The following PSD3 variants were observed in gnomAD, a reference collection of about 807,000 sequenced individuals.
PSD3 encodes pleckstrin and Sec7 domain containing 3.
In PSD3, 49 loss-of-function variants were observed where a neutral mutation model predicts 105.5. The observed-to-expected ratio is 0.46, with a 90% confidence interval of 0.37 to 0.59. The LOEUF (loss-of-function observed/expected upper bound fraction) is 0.59, where lower values mean the gene tolerates loss of function less well. Ranked by LOEUF, PSD3 falls within the 20% of genes least tolerant of loss-of-function variation. The pLI, the probability that PSD3 is intolerant of heterozygous loss-of-function variation, is 0.00. For missense variants in PSD3, 1,561 were observed against 1,263.8 expected (o/e 1.24, Z -3.57); for synonymous variants, 557 against 457.8 (o/e 1.22, Z -2.77).
At chr8:18,815,101 C>G (rs1812100132) in intron 4 of PSD3, among the ~76,000 whole-genome samples, 1 of 152,110 alleles carries the variant, frequency 6.6e-6, no homozygotes, top group Non-Finnish European at 1.5e-5. Flanking sequence ...AAATACTCTC[C>G]TTTCTTGATT....
intron 4 of PSD3, among the ~76,000 whole-genome samples, chr8:18,863,223 A>C (rs562782272): frequency 6.6e-6 from 1 of 152,364 alleles, no homozygotes; most frequent in South Asian, 2.1e-4. Context: ...TAATGGTCAC[A>C]GTGACAACAC....
intron 11 of PSD3, among the ~76,000 whole-genome samples, chr8:18,621,230 A>G (rs183084858): frequency 6.6e-6 from 1 of 152,310 alleles, no homozygotes; most frequent in East Asian, 1.9e-4. Context: ...CAACACAGCA[A>G]AACCGCTTCT....
At chr8:18,846,020 G>A (rs901008510) in intron 4 of PSD3, among the ~76,000 whole-genome samples, 3 of 152,128 alleles carry the variant, frequency 2.0e-5, no homozygotes, top group East Asian at 1.9e-4. Flanking sequence ...GGAGTGACTA[G>A]ACTGGTATTC....
At chr8:18,831,596 C>T (rs1813686287) in intron 4 of PSD3, among the ~76,000 whole-genome samples, 1 of 152,082 alleles carries the variant, frequency 6.6e-6, no homozygotes, top group African/African-American at 2.4e-5. Context: ...GTGGCGGGCG[C>T]CTATAGTCCC....
chr8:18,862,892 CAAAA>C (rs763451398), intron 4 of PSD3, among the ~76,000 whole-genome samples: 2 of 79,508 alleles, frequency 2.5e-5, no homozygotes, highest in Non-Finnish European at 3.0e-5. Flanking sequence ...AAGAGCAAGG[CAAAA>C]AAAAAAAAAA....
At chr8:18,916,545 A>G (rs564724361) in intron 2 of PSD3, among the ~76,000 whole-genome samples, 4 of 152,068 alleles carry the variant, frequency 2.6e-5, no homozygotes, top group Non-Finnish European at 5.9e-5. Flanking sequence ...AGCACACAGT[A>G]GCAAAGAGTA....
intron 13 of PSD3, among the ~76,000 whole-genome samples, chr8:18,574,610 G>A (rs934487780): frequency 3.3e-5 from 5 of 152,044 alleles, no homozygotes; most frequent in Admixed American, 6.6e-5. Flanking sequence ...GCTCAGAAGG[G>A]AAACAAAAAA....
At chr8:18,995,620 C>T (rs1685252795) in intron 1 of PSD3, among the ~76,000 whole-genome samples, 1 of 151,872 alleles carries the variant, frequency 6.6e-6, no homozygotes, top group South Asian at 2.1e-4. Flanking sequence ...AAAGACATGC[C>T]CGGGACTCAG....
chr8:18,905,362 T>C (rs959377722), intron 2 of PSD3, among the ~76,000 whole-genome samples: 2 of 152,184 alleles, frequency 1.3e-5, no homozygotes, highest in African/African-American at 4.8e-5. Context: ...CTTGCTCTGT[T>C]GCCCAGGCTG....
intron 9 of PSD3, among the ~76,000 whole-genome samples, chr8:18,761,391 A>G (rs745886499): frequency 5.9e-5 from 9 of 152,206 alleles, no homozygotes; most frequent in Non-Finnish European, 1.3e-4. Context: ...AGCCCACTTT[A>G]GGCTAAGTAA....
chr8:19,019,142 G>A (rs1170020646), intron 1 of PSD3, among the ~76,000 whole-genome samples: 1 of 152,054 alleles, frequency 6.6e-6, no homozygotes, highest in Non-Finnish European at 1.5e-5. Flanking sequence ...AATTTACTTA[G>A]CTCTGGAAAT....
chr8:18,765,555 C>T lies in PSD3; in HGVS notation c.2083-17G>A. On this transcript the variant is annotated splice_polypyrimidine_tract_variant and intron_variant, in intron 8 of 15. Transcript: ENST00000327040. Reference sequence around the variant, plus strand: ...TCCAATATTCTGAAACAGAGGCAAACAGTACATCACTATGACATTCATGGA... The same window carrying T: ...TCCAATATTCTGAAACAGAGGCAAATAGTACATCACTATGACATTCATGGA... 2 of 1,511,830 alleles carry T rather than the reference C, an allele frequency of 1.3e-6. No individual in the cohort carries two copies. The highest frequency in any genetic ancestry group is 1.8e-6 in the Non-Finnish European group (2 of 1,087,210). 93.7% of individuals were successfully genotyped at this position (1,511,830 alleles called of 1,614,324 possible).
At chr8:18,773,476 C>G (rs1167594399) in intron 8 of PSD3, among the ~76,000 whole-genome samples, 5 of 152,084 alleles carry the variant, frequency 3.3e-5, no homozygotes, top group Non-Finnish European at 7.4e-5. Context: ...CTTGAACTCT[C>G]ATATGATTTT....
chr8:18,736,527 C>T (rs959273125), intron 9 of PSD3, among the ~76,000 whole-genome samples: 1 of 151,984 alleles, frequency 6.6e-6, no homozygotes, highest in East Asian at 1.9e-4. Context: ...TTTATTAATC[C>T]TACATTCAGT....
rs964348087 is a variant in PSD3 at position 18,606,885 on chromosome 8, T to G, written c.2411-6451A>C. Among the ~76,000 whole-genome samples, 5 of 152,326 alleles carry G rather than the reference T, an allele frequency of 3.3e-5. No homozygotes were observed. The East Asian group carries it at 9.6e-4, about 29-fold the overall frequency. On this transcript the variant is annotated intron_variant, in intron 11 of 15. Transcript: ENST00000327040. ...ATGTGTTCCAAACAATCTTTTCAGG[T>G]AGGTATTATTGTCTCTGTTTTATAT... is the stretch of plus-strand genomic sequence containing the variant.
At chr8:18,649,023 A>G (rs963717618) in intron 10 of PSD3, among the ~76,000 whole-genome samples, 5 of 152,258 alleles carry the variant, frequency 3.3e-5, no homozygotes, top group Non-Finnish European at 5.9e-5. Flanking sequence ...GCAGGGGTGG[A>G]ACCCTCTTGG....
chr8:18,550,636 C>G (rs186383628), intron 15 of PSD3, among the ~76,000 whole-genome samples: 2 of 152,238 alleles, frequency 1.3e-5, no homozygotes, highest in Admixed American at 1.3e-4. Flanking sequence ...GCAAAATTAT[C>G]TAACCCCAAA....
At chr8:18,539,164 G>C (rs898856608) in intron 15 of PSD3, among the ~76,000 whole-genome samples, 2 of 152,196 alleles carry the variant, frequency 1.3e-5, no homozygotes, top group African/African-American at 4.8e-5. Context: ...TAACCAGCAG[G>C]TATTAGTTTT....
At chr8:18,828,065 A>ATTT (rs1403148605) in intron 4 of PSD3, among the ~76,000 whole-genome samples, 110 of 104,624 alleles carry the variant, frequency 1.1e-3, no homozygotes, top group Admixed American at 3.0e-3. Flanking sequence ...ATATATATAT[A>ATTT]TATTTTTTTT....
Sources: allele counts gnomAD v4.1 joint callset (sites outside exome capture counted in the v4.1 genomes callset), GRCh38; gene constraint gnomAD v4.1.1; transcripts MANE v1.5; gene names NCBI Gene and HGNC (gene_info 2026-07-23, HGNC 2026-07-21).